Variants in PXDNL observed in about 807,000 individuals in gnomAD.
PXDNL encodes probable oxidoreductase PXDNL.
A neutral mutation model predicts 150.8 loss-of-function variants in PXDNL; 145 were observed. That is an observed-to-expected ratio of 0.96 (90% confidence interval 0.84 to 1.10). The LOEUF is 1.10. PXDNL is among the 50% of genes least tolerant of loss of function. The pLI, the probability that PXDNL is intolerant of heterozygous loss-of-function variation, is 0.00. For synonymous variants in PXDNL, 757 were observed against 725.7 expected (o/e 1.04, Z -0.69); for missense variants, 2,087 against 1,873.9 (o/e 1.11, Z -2.10).
intron 2 of PXDNL, among the ~76,000 whole-genome samples, chr8:51,604,430 A>G (rs1444427676): frequency 2.0e-5 from 3 of 152,074 alleles, no homozygotes; most frequent in African/African-American, 7.2e-5. Flanking sequence ...GTTCTCACTC[A>G]TAGGTGGGAA....
chr8:51,475,984 C>A (rs1350129879), intron 6 of PXDNL, among the ~76,000 whole-genome samples: 1 of 152,142 alleles, frequency 6.6e-6, no homozygotes, highest in Non-Finnish European at 1.5e-5. Flanking sequence ...ATAGTCCCAG[C>A]CACTTGGGAG....
intron 1 of PXDNL, among the ~76,000 whole-genome samples, chr8:51,780,144 A>G (rs577652936): frequency 6.6e-6 from 1 of 152,264 alleles, no homozygotes; most frequent in South Asian, 2.1e-4. Context: ...TTCAGGAGGT[A>G]GAGGTTGCAG....
intron 1 of PXDNL, among the ~76,000 whole-genome samples, chr8:51,712,462 C>T (rs998728111): frequency 2.6e-5 from 4 of 152,178 alleles, no homozygotes; most frequent in African/African-American, 2.4e-5. Flanking sequence ...TTCTTTCTCT[C>T]TCTGCTAAAA....
At chr8:51,538,766 C>CAAAT (rs1585562200) in intron 4 of PXDNL, among the ~76,000 whole-genome samples, 1 of 151,998 alleles carries the variant, frequency 6.6e-6, no homozygotes, top group Non-Finnish European at 1.5e-5. Context: ...AACTCTATCT[C>CAAAT]AAATAAATAA....
intron 14 of PXDNL, among the ~76,000 whole-genome samples, chr8:51,423,310 T>G (rs1809005085): frequency 6.6e-6 from 1 of 152,262 alleles, no homozygotes; most frequent in Non-Finnish European, 1.5e-5. Flanking sequence ...ATTTTTGGTT[T>G]GTAAGAAAAC....
chr8:51,694,705 C>G (rs1219690392), intron 1 of PXDNL, among the ~76,000 whole-genome samples: 20 of 152,322 alleles, frequency 1.3e-4, no homozygotes, highest in Admixed American at 7.8e-4. Context: ...ATTAACCTCT[C>G]TATTCTCCAG....
rs190409937 is a variant in PXDNL at position 51,487,003 on chromosome 8, C to T, written c.453-3289G>A. On this transcript the variant is annotated intron_variant, in intron 5 of 22. Coordinates refer to ENST00000356297, the MANE Select transcript of PXDNL (RefSeq NM_144651.5). The stretch of plus-strand genomic sequence containing the variant: ...AGAGACGGGGTTTCACCATGTTGGC[C>T]AGAATGGCCTCCATCTCTTGACCTC... Among the ~76,000 whole-genome samples the T allele has an allele frequency of 1.7e-3, 259 of 151,320 alleles. 1 individual carries two copies. The highest frequency in any genetic ancestry group is 6.1e-3 in the African/African-American group (252 of 41,228).
intron 4 of PXDNL, among the ~76,000 whole-genome samples, chr8:51,532,240 C>T (rs540301585): frequency 6.6e-6 from 1 of 152,178 alleles, no homozygotes; most frequent in Non-Finnish European, 1.5e-5. Context: ...AAAGAGATTG[C>T]TAAAACAGCA....
chr8:51,489,213 G>A (rs1216710266), intron 5 of PXDNL, among the ~76,000 whole-genome samples: 2 of 152,158 alleles, frequency 1.3e-5, no homozygotes, highest in Non-Finnish European at 2.9e-5. Flanking sequence ...AATAATTAAA[G>A]AGAATCTTTC....
intron 4 of PXDNL, among the ~76,000 whole-genome samples, chr8:51,541,779 A>G (rs747296336): frequency 3.3e-5 from 5 of 152,074 alleles, no homozygotes; most frequent in Non-Finnish European, 7.4e-5. Context: ...TCTGGAAAAC[A>G]CCAGAGAAAA....
intron 1 of PXDNL, among the ~76,000 whole-genome samples, chr8:51,783,753 T>C (rs971913892): frequency 6.6e-6 from 1 of 152,174 alleles, no homozygotes; most frequent in Non-Finnish European, 1.5e-5. Flanking sequence ...GAATTTTGAA[T>C]GAAAGGGGCG....
Position 51,796,158 on chromosome 8 carries a change from C to T in PXDNL, c.164+13023G>A, listed in dbSNP as rs528445580. Among the ~76,000 whole-genome samples, 54 of 151,926 alleles carry T rather than the reference C, an allele frequency of 3.6e-4. No individual in the cohort carries two copies. The Middle Eastern group carries it at 0.01, about 29-fold the overall frequency. ...TTTTTCCCACCAGCCTGAATGAACC[C>T]CCACAACTAGAAAGATCTCAAATTG... On this transcript the variant is annotated intron_variant, in intron 1 of 22. Transcript: ENST00000356297.
chr8:51,392,751 C>A (rs1032198212), intron 17 of PXDNL, among the ~76,000 whole-genome samples: 3 of 152,156 alleles, frequency 2.0e-5, no homozygotes, highest in Non-Finnish European at 4.4e-5. Flanking sequence ...TGCCTAATTG[C>A]CCTGGCCAGA....
At chr8:51,697,715 TTAA>T (rs1051843341) in intron 1 of PXDNL, among the ~76,000 whole-genome samples, 2 of 152,222 alleles carry the variant, frequency 1.3e-5, no homozygotes, top group Non-Finnish European at 2.9e-5. Flanking sequence ...TCTGTAAGTC[TTAA>T]TAAACTCATC....
intron 1 of PXDNL, among the ~76,000 whole-genome samples, chr8:51,695,838 G>T (rs1431860540): frequency 6.6e-6 from 1 of 152,216 alleles, no homozygotes; most frequent in African/African-American, 2.4e-5. Context: ...TAATTGGAAG[G>T]TTATTTGATC....
In PXDNL at chr8:51,570,351, T is replaced by A. The variant is rs181625455; in HGVS notation, c.309-13440A>T. On this transcript the variant is annotated intron_variant, in intron 3 of 22. Coordinates refer to ENST00000356297, the MANE Select transcript of PXDNL (RefSeq NM_144651.5). ...GAACTAGGCTCTTGGCGAAATTGTT[T>A]GAGCCATTAGGTTCGTCTTAGTCAG... Among the ~76,000 whole-genome samples, 117 of 152,066 alleles carry A rather than the reference T, an allele frequency of 7.7e-4. 1 individual carries two copies. The highest frequency in any genetic ancestry group is 2.7e-3 in the African/African-American group (111 of 41,536).
intron 1 of PXDNL, among the ~76,000 whole-genome samples, chr8:51,664,208 G>A (rs756936527): frequency 5.9e-5 from 9 of 152,060 alleles, no homozygotes; most frequent in Non-Finnish European, 1.2e-4. Flanking sequence ...AGTCTAACTC[G>A]GAGGTCATCA....
chr8:51,597,288 G>A (rs943844959), intron 2 of PXDNL, among the ~76,000 whole-genome samples: 6 of 152,178 alleles, frequency 3.9e-5, no homozygotes, highest in African/African-American at 1.4e-4. Context: ...CCAGTACAAT[G>A]CTGTCTTGGT....
At chr8:51,757,244 TG>T (rs1373577557) in intron 1 of PXDNL, among the ~76,000 whole-genome samples, 2 of 152,192 alleles carry the variant, frequency 1.3e-5, no homozygotes. Flanking sequence ...CCTCTAGACT[TG>T]TTTTCCATCC....
Sources: gnomAD v4.1 joint callset for allele counts (sites outside exome capture counted in the v4.1 genomes callset) on GRCh38, gnomAD v4.1.1 for gene constraint, MANE v1.5 for transcripts, NCBI Gene and HGNC (gene_info 2026-07-23, HGNC 2026-07-21) for gene names.